The following SMAP1 variants were observed in gnomAD, a reference collection of about 807,000 sequenced individuals.
The protein encoded by SMAP1 is small ArfGAP 1, also known as stromal membrane-associated protein 1.
Under a neutral mutation model 58.5 loss-of-function variants are expected in SMAP1, and 24 were observed. The ratio of observed to expected loss-of-function variants is 0.41; its 90% confidence interval spans 0.30 to 0.58. The LOEUF (loss-of-function observed/expected upper bound fraction) is 0.58, where lower values mean the gene tolerates loss of function less well. SMAP1 is among the 20% of genes least tolerant of loss of function. The pLI, the probability that SMAP1 is intolerant of heterozygous loss-of-function variation, is 0.29. For synonymous variants in SMAP1, 216 were observed against 196.6 expected (o/e 1.10, Z -0.82); for missense variants, 563 against 566.3 (o/e 0.99, Z 0.06).
chr6:70,843,808 A>C lies in SMAP1; in HGVS notation c.664+6780A>C, dbSNP rs1279623346. ...TCTTCTGTAGCTGAGGGCCAGAATA[A>C]ATGGTGTGCTTTATGTGAAGCACCT... On this transcript the variant is annotated intron_variant, in intron 7 of 10. Transcript: ENST00000370455. 4.6e-5 allele frequency among the ~76,000 whole-genome samples: 7 copies of C among 152,150 alleles called. 1 individual carries two copies. Among genetic ancestry groups the C allele is most frequent in the African/African-American group, 1.7e-4 (7 of 41,428 alleles).
At chr6:70,843,196 A>T (rs771671124) in intron 7 of SMAP1, among the ~76,000 whole-genome samples, 21 of 150,870 alleles carry the variant, frequency 1.4e-4, no homozygotes, top group Non-Finnish European at 3.1e-4. Flanking sequence ...AAAACTAACA[A>T]CTAATAAGCT....
At chr6:70,804,612 C>T (rs927315684) in intron 6 of SMAP1, among the ~76,000 whole-genome samples, 1 of 152,130 alleles carries the variant, frequency 6.6e-6, no homozygotes, top group Non-Finnish European at 1.5e-5. Context: ...TCCAATTTGG[C>T]CTGTTTTTGC....
chr6:70,700,220 A>G (rs1767571810), intron 1 of SMAP1, among the ~76,000 whole-genome samples: 1 of 152,162 alleles, frequency 6.6e-6, no homozygotes, highest in Non-Finnish European at 1.5e-5. Context: ...TTCTGTCGTG[A>G]GTAAAAGCTC....
intron 6 of SMAP1, among the ~76,000 whole-genome samples, chr6:70,802,055 G>C (rs1450399603): frequency 1.3e-5 from 2 of 152,198 alleles, no homozygotes; most frequent in Non-Finnish European, 2.9e-5. Context: ...TGTGAAGAAA[G>C]TCATTGGTAG....
chr6:70,767,950 T>G (rs1237732412), intron 3 of SMAP1, among the ~76,000 whole-genome samples: 1 of 148,398 alleles, frequency 6.7e-6, no homozygotes, highest in East Asian at 1.9e-4. Flanking sequence ...ATTGAGAGTT[T>G]TTAGCATGAA....
chr6:70,835,456 A>G (rs1770541962), intron 6 of SMAP1, among the ~76,000 whole-genome samples: 1 of 152,142 alleles, frequency 6.6e-6, no homozygotes, highest in Admixed American at 6.5e-5. Flanking sequence ...TGTAGAAGAA[A>G]TGATCTTGAA....
At chr6:70,820,477 C>T (rs562495606) in intron 6 of SMAP1, among the ~76,000 whole-genome samples, 7 of 152,062 alleles carry the variant, frequency 4.6e-5, no homozygotes, top group Non-Finnish European at 5.9e-5. Flanking sequence ...TTTGGGAGGC[C>T]GAGGCGGGCG....
chr6:70,740,812 AAG>A (rs1765783598), intron 2 of SMAP1, among the ~76,000 whole-genome samples: 1 of 152,184 alleles, frequency 6.6e-6, no homozygotes, highest in South Asian at 2.1e-4. Flanking sequence ...TCTAAAGAAA[AAG>A]AGGTTTAATG....
At chr6:70,846,929 AT>A (rs1384246826) in intron 7 of SMAP1, among the ~76,000 whole-genome samples, 4 of 152,182 alleles carry the variant, frequency 2.6e-5, no homozygotes, top group Non-Finnish European at 5.9e-5. Context: ...TGAGGTAAGG[AT>A]TAAACTGAGA....
At chr6:70,769,818 T>C (rs1767190683) in intron 3 of SMAP1, among the ~76,000 whole-genome samples, 1 of 152,188 alleles carries the variant, frequency 6.6e-6, no homozygotes, top group Non-Finnish European at 1.5e-5. Context: ...GTTATTTTGC[T>C]CGTTAGTTGA....
chr6:70,778,140 C>T (rs1215862915), intron 4 of SMAP1, among the ~76,000 whole-genome samples: 1 of 152,078 alleles, frequency 6.6e-6, no homozygotes, highest in Non-Finnish European at 1.5e-5. Flanking sequence ...TGTTTTAATA[C>T]AGGCATGGAA....
intron 6 of SMAP1, among the ~76,000 whole-genome samples, chr6:70,819,250 G>T (rs1393120778): frequency 6.7e-6 from 1 of 149,930 alleles, no homozygotes; most frequent in Non-Finnish European, 1.5e-5. Context: ...ATAGAGCAAA[G>T]AAATGGTCAT....
rs66981900 is a variant in SMAP1, at chr6:70,682,170, ATTTTTTTTTTTTT to A, written c.118+14053_118+14065del. Reference sequence around the variant, plus strand: ...GGATTTAAGGTTATTCTCTGCACAGATTTTTTTTTTTTTTTTTTTTTTTTTTTTTTTTTTTTGA... The same window carrying A: ...GGATTTAAGGTTATTCTCTGCACAGATTTTTTTTTTTTTTTTTTTTTTTGA... On this transcript the variant is annotated intron_variant, in intron 1 of 10. Transcript: ENST00000370455. Among the ~76,000 whole-genome samples the A allele has an allele frequency of 9.7e-3, 931 of 95,880 alleles. 13 individuals are homozygous for A. The highest frequency in any genetic ancestry group is 0.014 in the Non-Finnish European group (697 of 50,642). 62.9% of individuals were successfully genotyped at this position (95,880 alleles called of 152,430 possible).
rs767976412 is a variant in SMAP1 at position 70,668,020 on chromosome 6, C to T, written c.-4C>T. The T allele has an allele frequency of 6.3e-6, 10 of 1,590,484 alleles. No homozygotes were observed. The highest frequency in any genetic ancestry group is 1.1e-5 in the South Asian group (1 of 88,616). On this transcript the variant is annotated 5_prime_UTR_variant, in exon 1 of 11. Transcript: ENST00000370455. ...TGCCCCAGGCTCCCCGCCCCGCTGCCGAGATGGCGACGCGCTCCTGTCGGG... is the reference window on the plus strand; with the variant it reads ...TGCCCCAGGCTCCCCGCCCCGCTGCTGAGATGGCGACGCGCTCCTGTCGGG...
intron 7 of SMAP1, among the ~76,000 whole-genome samples, chr6:70,851,349 G>GT (rs1409621574): frequency 6.6e-6 from 1 of 152,186 alleles, no homozygotes; most frequent in Admixed American, 6.5e-5. Flanking sequence ...GATTGTGGTG[G>GT]AAATATGAAT....
rs375116656 is a variant in SMAP1 at position 70,754,871 on chromosome 6, G to A, written c.253-109G>A. ...TATATTTCTAAGGAGAATATATATT[G>A]GAAATAATAAATTATTTGGTATTTG... On this transcript the variant is annotated intron_variant, in intron 2 of 10. Transcript: ENST00000370455. 4.7e-5 allele frequency: 26 copies of A among 550,248 alleles called. No homozygotes were observed. In the East Asian group the frequency reaches 4.8e-4, roughly 10 times the overall value. 34.1% of individuals were successfully genotyped at this position (550,248 alleles called of 1,614,324 possible).
At chr6:70,787,625 A>C (rs1463337573) in intron 4 of SMAP1, among the ~76,000 whole-genome samples, 18 of 152,342 alleles carry the variant, frequency 1.2e-4, no homozygotes, top group African/African-American at 3.8e-4. Context: ...CAACCCCATC[A>C]AAAAGTGGGC....
chr6:70,776,070 A>G (rs879860038), intron 4 of SMAP1, among the ~76,000 whole-genome samples: 11 of 152,234 alleles, frequency 7.2e-5, no homozygotes, highest in African/African-American at 1.2e-4. Context: ...GACATTTATC[A>G]CAGTGGAGAC....
chr6:70,835,722 G>T (rs1664998307), intron 6 of SMAP1, among the ~76,000 whole-genome samples: 1 of 152,048 alleles, frequency 6.6e-6, no homozygotes, highest in Non-Finnish European at 1.5e-5. Context: ...GCGCAGGCTG[G>T]TCTCAAACTC....
Sources: gnomAD v4.1 joint callset for allele counts (sites outside exome capture counted in the v4.1 genomes callset) on GRCh38, gnomAD v4.1.1 for gene constraint, MANE v1.5 for transcripts, NCBI Gene and HGNC (gene_info 2026-07-23, HGNC 2026-07-21) for gene names.